ASAH2: variants seen among roughly 807,000 people sequenced by gnomAD.
ASAH2 encodes N-acylsphingosine amidohydrolase 2, also known as neutral ceramidase.
A neutral mutation model predicts 82.9 loss-of-function variants in ASAH2; 58 were observed. The ratio of observed to expected loss-of-function variants is 0.70; its 90% CI spans 0.57 to 0.87. ASAH2 has a LOEUF of 0.87. ASAH2 is among the 40% of genes least tolerant of loss of function. The probability of loss-of-function intolerance (pLI) is 0.00; values close to 1 mark genes in which losing one functional copy is unlikely to be tolerated. For missense variants in ASAH2, 779 were observed against 834.0 expected (o/e 0.93, Z 0.81); for synonymous variants, 276 against 289.7 (o/e 0.95, Z 0.48).
At position 50,245,202 on chromosome 10, in the gene ASAH2, G is replaced by A. The variant is rs115582483; in HGVS notation, c.360+20C>T. ...ATTACTTGTTTCACAGTCTCCTTAA[G>A]GAGCCCATTGTCTACTTGCCAAATT... On this transcript the variant is annotated intron_variant, in intron 3 of 20. Coordinates refer to ENST00000682911, the MANE Select transcript of ASAH2 (RefSeq NM_019893.4). 2.0e-4 allele frequency: 309 copies of A among 1,569,132 alleles called. No individual in the cohort carries two copies. The African/African-American group carries it at 3.4e-3, about 17-fold the overall frequency.
At chr10:50,206,703 G>T (rs1845309131) in intron 12 of ASAH2, among the ~76,000 whole-genome samples, 1 of 151,804 alleles carries the variant, frequency 6.6e-6, no homozygotes, top group African/African-American at 2.4e-5. Flanking sequence ...AAATGTCTGT[G>T]TAACATAAAC....
intron 7 of ASAH2, among the ~76,000 whole-genome samples, chr10:50,225,496 C>T (rs1564843928): frequency 6.6e-6 from 1 of 152,130 alleles, no homozygotes; most frequent in Non-Finnish European, 1.5e-5. Flanking sequence ...GGCCAATAGA[C>T]TATTGTTTTT....
At chr10:50,206,620 G>A (rs1845306312) in intron 12 of ASAH2, among the ~76,000 whole-genome samples, 1 of 149,360 alleles carries the variant, frequency 6.7e-6, no homozygotes, top group African/African-American at 2.5e-5. Context: ...GCATAATCTG[G>A]GGTAAAAGGT....
Position 50,202,813 on chromosome 10 carries a change from A to G in ASAH2, c.1761+16T>C. 6.5e-7 allele frequency: 1 copy of G among 1,546,594 alleles called. No homozygotes were observed. The highest frequency in any genetic ancestry group is 8.9e-7 in the Non-Finnish European group (1 of 1,119,078). On this transcript the variant is annotated intron_variant, in intron 16 of 20. Coordinates refer to ENST00000682911, the MANE Select transcript of ASAH2 (RefSeq NM_019893.4). ...GGGGTATAATTCATTTAAATGATGAAAACGTTTTGCTTTACCTGGTATTCT... is the reference window on the plus strand; with the variant it reads ...GGGGTATAATTCATTTAAATGATGAGAACGTTTTGCTTTACCTGGTATTCT...
In ASAH2 at chr10:50,211,112, T is replaced by C; in HGVS notation, c.1250A>G (p.Gln417Arg). The C allele has an allele frequency of 1.2e-5, 20 of 1,613,498 alleles. No individual in the cohort carries two copies. The highest frequency in any genetic ancestry group is 2.2e-5 in the East Asian group (1 of 44,870). ...RAKELYASAS[Q>R]EVTGPLASAH... Reference sequence around the variant, plus strand: ...TGAAGCCAGTGGTCCTGTTACCTCCTGGGAGGCAGAGGCATAGAGTTCCTA... The same window carrying C: ...TGAAGCCAGTGGTCCTGTTACCTCCCGGGAGGCAGAGGCATAGAGTTCCTA... Residue 417 changes from glutamine (Q) to arginine (R), a missense_variant, in exon 11 of 21, where the codon CAG becomes CGG. Coordinates refer to ENST00000682911, the MANE Select transcript of ASAH2 (RefSeq NM_019893.4).
intron 16 of ASAH2, among the ~76,000 whole-genome samples, chr10:50,200,895 C>A (rs1174224004): frequency 0.014 from 2,130 of 152,208 alleles, 24 homozygotes; most frequent in Non-Finnish European, 0.024. Flanking sequence ...TGGCCCTAAA[C>A]AAGAACAAGC....
Position 50,205,392 on chromosome 10 carries a change from T to C in ASAH2, c.1531-437A>G, listed in dbSNP as rs1288600602. ...AACCCTTTCCTTATTCAGAATACTA[T>C]AGCCTGTCCCTCTATTCCTTCCTTT... On this transcript the variant is annotated intron_variant, in intron 13 of 20. Transcript: ENST00000682911. Among the ~76,000 whole-genome samples, 5 of 152,124 alleles carry C rather than the reference T, an allele frequency of 3.3e-5. No homozygotes were observed. In the East Asian group the frequency reaches 5.8e-4, roughly 18 times the overall value.
At chr10:50,198,369 C>G (rs1232399329) in intron 17 of ASAH2, 3 of 152,096 alleles carry the variant, frequency 2.0e-5, no homozygotes, top group Non-Finnish European at 4.4e-5. Flanking sequence ...AAGTGAAGTT[C>G]CTTTAAATCA....
chr10:50,195,080 A>G (rs1427124917), intron 18 of ASAH2, among the ~76,000 whole-genome samples: 1 of 151,388 alleles, frequency 6.6e-6, no homozygotes, highest in Non-Finnish European at 1.5e-5. Context: ...CACAACCAAA[A>G]AAACAATTAA....
chr10:50,231,437 C>T (rs1846020017), intron 7 of ASAH2, among the ~76,000 whole-genome samples: 1 of 152,108 alleles, frequency 6.6e-6, no homozygotes, highest in Non-Finnish European at 1.5e-5. Flanking sequence ...GGGCTACCTC[C>T]TCCAAACTCC....
chr10:50,221,650 T>A (rs1845747931), intron 7 of ASAH2, among the ~76,000 whole-genome samples: 1 of 148,932 alleles, frequency 6.7e-6, no homozygotes, highest in African/African-American at 2.6e-5. Context: ...TGTGTGTGTG[T>A]GTGTGTGTGT....
intron 1 of ASAH2, among the ~76,000 whole-genome samples, 104 bp downstream of exon 1, chr10:50,251,291 T>C (rs970009790): frequency 6.6e-5 from 10 of 152,134 alleles, no homozygotes; most frequent in Non-Finnish European, 8.8e-5. Flanking sequence ...TCCAAAGCTA[T>C]GAGATAAATT....
In ASAH2 at chr10:50,198,866, C is replaced by G. The variant is rs1194517363; in HGVS notation, c.1857+185G>C. 3.6e-4 allele frequency among the ~76,000 whole-genome samples: 54 copies of G among 151,982 alleles called. No individual in the cohort carries two copies. The South Asian group carries it at 8.5e-3, about 24-fold the overall frequency. Reference sequence around the variant, plus strand: ...TTTGGAAATAAATTTTATTTATTTTCTTAGAGATACCACAAAACTATAAAT... The same window carrying G: ...TTTGGAAATAAATTTTATTTATTTTGTTAGAGATACCACAAAACTATAAAT... On this transcript the variant is annotated intron_variant, in intron 17 of 20. Coordinates refer to ENST00000682911, the MANE Select transcript of ASAH2 (RefSeq NM_019893.4).
intron 10 of ASAH2, 44 bp downstream of exon 10, chr10:50,212,928 G>T: frequency 6.4e-7 from 1 of 1,551,200 alleles, no homozygotes; most frequent in Non-Finnish European, 8.9e-7. Flanking sequence ...GATTTTAAAG[G>T]ACAATTTTAA....
At chr10:50,228,414 A>G (rs1043071993) in intron 7 of ASAH2, among the ~76,000 whole-genome samples, 3 of 152,206 alleles carry the variant, frequency 2.0e-5, no homozygotes, top group African/African-American at 7.2e-5. Context: ...GTCAGACATT[A>G]CAATTCAAGA....
chr10:50,214,995 G>T (rs1271226909), intron 8 of ASAH2, 127 bp from the exon 9 acceptor site: 2 of 1,209,136 alleles, frequency 1.7e-6, no homozygotes, highest in Non-Finnish European at 2.3e-6. Context: ...ATAAAAAGAG[G>T]ATATAAAATA....
chr10:50,184,945 C>A lies in ASAH2; in HGVS notation c.*2370G>T, dbSNP rs1347258420. 6.6e-6 allele frequency: 1 copy of A among 151,490 alleles called. No individual in the cohort carries two copies. The highest frequency in any genetic ancestry group is 1.5e-5 in the Non-Finnish European group (1 of 67,700). 9.4% of individuals were successfully genotyped at this position (151,490 alleles called of 1,614,324 possible). A position where few individuals can be genotyped will look rare whatever the true frequency, so the allele number is the denominator to read the frequency against. ...CACAGTACTCATCAAAAAATCTAGACCTGGAAAAGAGATTATTCAGTGCTT... is the reference window on the plus strand; with the variant it reads ...CACAGTACTCATCAAAAAATCTAGAACTGGAAAAGAGATTATTCAGTGCTT... On this transcript the variant is annotated 3_prime_UTR_variant, in exon 21 of 21. Coordinates refer to ENST00000682911, the MANE Select transcript of ASAH2 (RefSeq NM_019893.4).
In ASAH2 at chr10:50,211,043, T is replaced by C. The variant is rs1315143433; in HGVS notation, c.1319A>G (p.Asn440Ser). Residue 440 changes from asparagine (N) to serine (S), a missense_variant, in exon 11 of 21, where the codon AAT becomes AGT. This residue lies in a region of ASAH2 where 759 missense variants were observed against 755.2 expected (regional missense o/e 1.00). Transcript: ENST00000682911. ...AGCAGCACTTACTGCATGTGTGGAA[T>C]TGAGCCAGACAGTCACATCTGTCAT... ...VDMTDVTVWL[N>S]STHASKTCKP... 2 of 1,613,710 alleles carry C rather than the reference T, an allele frequency of 1.2e-6. No individual in the cohort carries two copies.
Position 50,210,713 on chromosome 10 carries a change from C to A in ASAH2, c.1414+110G>T, listed in dbSNP as rs1845430004. ...GTACAAACCTGGAAAACCAGCAGAC[C>A]CTGAGTTTAAAAATTAATAAATGTA... is the stretch of plus-strand genomic sequence containing the variant. On this transcript the variant is annotated intron_variant, in intron 12 of 20. Coordinates refer to ENST00000682911, the MANE Select transcript of ASAH2 (RefSeq NM_019893.4). 3.8e-6 allele frequency: 4 copies of A among 1,040,398 alleles called. No individual in the cohort carries two copies. In the East Asian group the frequency reaches 7.1e-5, roughly 18 times the overall value. 64.4% of individuals were successfully genotyped at this position (1,040,398 alleles called of 1,614,324 possible).
Sources: allele counts gnomAD v4.1 joint callset (sites outside exome capture counted in the v4.1 genomes callset), GRCh38; gene constraint gnomAD v4.1.1; regional missense constraint gnomAD v4.1.1; transcripts MANE v1.5; gene names NCBI Gene and HGNC (gene_info 2026-07-23, HGNC 2026-07-21).